Variants in UNC13C observed in about 807,000 individuals in gnomAD.
UNC13C encodes the protein protein unc-13 homolog C.
In UNC13C, 174 loss-of-function variants were observed where a neutral mutation model predicts 245.4. The ratio of observed to expected loss-of-function variants is 0.71; its 90% confidence interval spans 0.63 to 0.80. UNC13C has a LOEUF of 0.80. UNC13C is among the 30% of genes least tolerant of loss of function. The probability of loss-of-function intolerance (pLI) is 0.00; values close to 1 mark genes in which losing one functional copy is unlikely to be tolerated. For synonymous variants in UNC13C, 992 were observed against 895.1 expected (o/e 1.11, Z -1.93); for missense variants, 2,829 against 2,602.9 (o/e 1.09, Z -1.89).
intron 25 of UNC13C, among the ~76,000 whole-genome samples, chr15:54,530,912 C>T (rs1189993167): frequency 2.0e-5 from 3 of 152,030 alleles, no homozygotes; most frequent in African/African-American, 7.3e-5. Flanking sequence ...GAGTTGGAAG[C>T]TATTGAAGAT....
At chr15:54,245,407 T>A (rs574763013) in intron 7 of UNC13C, among the ~76,000 whole-genome samples, 67 of 152,278 alleles carry the variant, frequency 4.4e-4, no homozygotes, top group South Asian at 1.4e-3. Context: ...CAATGTTAAT[T>A]TATATCTGTT....
At chr15:54,329,401 C>A (rs181449575) in intron 14 of UNC13C, among the ~76,000 whole-genome samples, 8 of 151,796 alleles carry the variant, frequency 5.3e-5, no homozygotes, top group Non-Finnish European at 1.0e-4. Context: ...TATTTTTGAA[C>A]CTATTATAGT....
chr15:53,882,395 T>C, the UNC13C span, among the ~76,000 whole-genome samples: 1 of 152,200 alleles, frequency 6.6e-6, no homozygotes, highest in African/African-American at 2.4e-5. Flanking sequence ...AAGTTTTTAT[T>C]ATAATTCATT....
chr15:54,562,078 G>T lies in UNC13C; in HGVS notation c.5959-5722G>T, dbSNP rs143780034. ...TGCCATGTTGGAGTTAGATGCAATG[G>T]CAGGAATGTGGAAATCAATATTTAA... On this transcript the variant is annotated intron_variant, in intron 29 of 32. Coordinates refer to ENST00000260323, the MANE Select transcript of UNC13C (RefSeq NM_001080534.3). Among the ~76,000 whole-genome samples, 1,042 of 152,060 alleles carry T rather than the reference G, an allele frequency of 6.9e-3. 17 individuals are homozygous for T. Among genetic ancestry groups the T allele is most frequent in the African/African-American group, 0.024 (1,009 of 41,500 alleles).
chr15:53,968,923 G>C, the UNC13C span, among the ~76,000 whole-genome samples: 1 of 151,790 alleles, frequency 6.6e-6, no homozygotes. Context: ...AGAGAGGGCA[G>C]GTACTCTGCA....
chr15:54,438,936 T>A (rs1050694929), intron 19 of UNC13C, among the ~76,000 whole-genome samples: 3 of 151,992 alleles, frequency 2.0e-5, no homozygotes, highest in African/African-American at 7.2e-5. Flanking sequence ...AATAGCTTAC[T>A]GAAATATATT....
chr15:54,038,127 T>A (rs1397617979), intron 2 of UNC13C, among the ~76,000 whole-genome samples: 17 of 98,930 alleles, frequency 1.7e-4, no homozygotes, highest in South Asian at 1.1e-3. Context: ...TATATATATT[T>A]TTTTTTTTTT....
At chr15:54,329,529 A>G (rs2038386468) in intron 14 of UNC13C, among the ~76,000 whole-genome samples, 1 of 151,970 alleles carries the variant, frequency 6.6e-6, no homozygotes, top group South Asian at 2.1e-4. Context: ...TTGGGGAAAC[A>G]TTTTTTAATC....
intron 2 of UNC13C, among the ~76,000 whole-genome samples, chr15:54,052,352 G>A (rs961233898): frequency 6.9e-6 from 1 of 145,694 alleles, no homozygotes; most frequent in Non-Finnish European, 1.5e-5. Flanking sequence ...CTTCCACAAT[G>A]GTTGAACTAG....
chr15:54,082,068 G>T (rs1002249576), intron 2 of UNC13C, among the ~76,000 whole-genome samples: 1 of 152,138 alleles, frequency 6.6e-6, no homozygotes, highest in Non-Finnish European at 1.5e-5. Context: ...GATATAAAAT[G>T]CATGAATGTC....
At chr15:54,448,797 G>A (rs1053090476) in intron 19 of UNC13C, among the ~76,000 whole-genome samples, 3 of 152,178 alleles carry the variant, frequency 2.0e-5, no homozygotes, top group Non-Finnish European at 2.9e-5. Flanking sequence ...ATTGTTATGT[G>A]TGAATTTGAT....
chr15:53,897,255 A>C, the UNC13C span, among the ~76,000 whole-genome samples: 1 of 152,230 alleles, frequency 6.6e-6, no homozygotes, highest in Admixed American at 6.5e-5. Flanking sequence ...AAGCTCATTG[A>C]ATAAATGAAA....
chr15:53,972,388 T>C, the UNC13C span, among the ~76,000 whole-genome samples: 1 of 152,324 alleles, frequency 6.6e-6, no homozygotes, highest in East Asian at 1.9e-4. Context: ...AAAGAAAGGA[T>C]GCTATGTCCA....
chr15:54,622,232 C>T (rs534685689), intron 30 of UNC13C, 95 bp from the exon 31 acceptor site: 1 of 847,452 alleles, frequency 1.2e-6, no homozygotes, highest in Non-Finnish European at 2.0e-6. Flanking sequence ...TATTCATTTC[C>T]AATAATACAT....
chr15:54,234,410 T>A (rs570020589), intron 4 of UNC13C, among the ~76,000 whole-genome samples: 87 of 152,300 alleles, frequency 5.7e-4, no homozygotes, highest in African/African-American at 1.9e-3. Context: ...TTGATGAACA[T>A]GTAAATAACC....
chr15:53,856,732 G>A, the UNC13C span, among the ~76,000 whole-genome samples: 1 of 151,994 alleles, frequency 6.6e-6, no homozygotes, highest in Non-Finnish European at 1.5e-5. Flanking sequence ...AGTAAGTGCC[G>A]TGAGGTGATA....
chr15:54,460,088 G>A (rs1274247204), intron 19 of UNC13C, among the ~76,000 whole-genome samples: 1 of 152,208 alleles, frequency 6.6e-6, no homozygotes, highest in African/African-American at 2.4e-5. Context: ...CCCATTGGGT[G>A]ATCCCTTGAT....
At chr15:54,376,569 T>C (rs907983011) in intron 17 of UNC13C, among the ~76,000 whole-genome samples, 6 of 152,196 alleles carry the variant, frequency 3.9e-5, no homozygotes, top group Admixed American at 3.9e-4. Context: ...CAAGTAGTCT[T>C]CCTGTCATAG....
intron 1 of UNC13C, among the ~76,000 whole-genome samples, chr15:53,989,332 T>TAAAA (rs10675554): frequency 0.015 from 2,234 of 145,468 alleles, 67 homozygotes; most frequent in African/African-American, 0.053. Flanking sequence ...GCTTAATTGT[T>TAAAA]AAAAAAAAAA....
Sources: allele counts gnomAD v4.1 joint callset (sites outside exome capture counted in the v4.1 genomes callset), GRCh38; gene constraint gnomAD v4.1.1; transcripts MANE v1.5; gene names NCBI Gene and HGNC (gene_info 2026-07-23, HGNC 2026-07-21).